Variants in IQCH observed in about 807,000 individuals in gnomAD.
The protein encoded by IQCH is IQ domain-containing protein H.
Under a neutral mutation model 117.0 loss-of-function variants are expected in IQCH, and 98 were observed. That is an observed-to-expected ratio of 0.84 (90% CI 0.71 to 0.99). The LOEUF is 0.99. IQCH is among the 50% of genes least tolerant of loss of function. IQCH has a pLI of 0.00. For synonymous variants in IQCH, 412 were observed against 448.2 expected (o/e 0.92, Z 1.02); for missense variants, 1,102 against 1,243.8 (o/e 0.89, Z 1.72).
rs1290004336 is a variant in IQCH at position 67,474,577 on chromosome 15, G to A, written c.2677-1119G>A. Among the ~76,000 whole-genome samples the A allele has an allele frequency of 6.6e-6, 1 of 152,062 alleles. No individual in the cohort carries two copies. The highest frequency in any genetic ancestry group is 2.4e-5 in the African/African-American group (1 of 41,400). On this transcript the variant is annotated intron_variant, in intron 17 of 20. Coordinates refer to ENST00000335894, the MANE Select transcript of IQCH (RefSeq NM_001031715.3). This position sits in a 1 kb window ranked among gnomAD's most constrained non-coding sequence, Gnocchi z 4.1. The stretch of plus-strand genomic sequence containing the variant: ...GGAAATACATAATGACAGCACTTTG[G>A]GCCTACTATCACCAATCTCTTTGGC...
intron 10 of IQCH, among the ~76,000 whole-genome samples, chr15:67,380,789 T>C (rs1458003893): frequency 6.6e-6 from 1 of 152,186 alleles, no homozygotes; most frequent in African/African-American, 2.4e-5. Flanking sequence ...ATGTGATGCA[T>C]TGAACATCAC....
Position 67,344,817 on chromosome 15 carries a change from T to A in IQCH, c.637+626T>A, listed in dbSNP as rs80126569. On this transcript the variant is annotated intron_variant, in intron 6 of 20. Coordinates refer to ENST00000335894, the MANE Select transcript of IQCH (RefSeq NM_001031715.3). Reference sequence around the variant, plus strand: ...CTATCTTTACATTAAGTGTGAATGTTCTAAATACACCAATTAAAAGACAGA... The same window carrying A: ...CTATCTTTACATTAAGTGTGAATGTACTAAATACACCAATTAAAAGACAGA... 4.7e-3 allele frequency among the ~76,000 whole-genome samples: 720 copies of A among 152,320 alleles called. 19 individuals are homozygous for A. Among genetic ancestry groups the A allele is most frequent in the East Asian group, 0.038 (195 of 5,184 alleles).
chr15:67,409,052 T>C (rs2081376671), intron 14 of IQCH, among the ~76,000 whole-genome samples: 1 of 152,194 alleles, frequency 6.6e-6, no homozygotes, highest in South Asian at 2.1e-4. Context: ...GAACATATTC[T>C]TCTTTTTTTA....
chr15:67,272,097 A>C (rs924093130), intron 3 of IQCH, among the ~76,000 whole-genome samples: 3 of 151,982 alleles, frequency 2.0e-5, no homozygotes, highest in Non-Finnish European at 4.4e-5. Flanking sequence ...CTGCCCCATA[A>C]TTTTGGTATG....
intron 1 of IQCH, among the ~76,000 whole-genome samples, chr15:67,256,114 G>A (rs963056475): frequency 6.6e-6 from 1 of 152,120 alleles, no homozygotes; most frequent in African/African-American, 2.4e-5. Context: ...AGAGCTCAGG[G>A]AAGTGCTGTG....
At chr15:67,485,249 G>C (rs914912139) in intron 18 of IQCH, among the ~76,000 whole-genome samples, 2 of 152,018 alleles carry the variant, frequency 1.3e-5, no homozygotes, top group Admixed American at 1.3e-4. Flanking sequence ...AACCCAAATG[G>C]AAATTCTGGA....
chr15:67,267,752 A>G (rs563798061), intron 3 of IQCH, among the ~76,000 whole-genome samples: 1 of 152,320 alleles, frequency 6.6e-6, no homozygotes, highest in Non-Finnish European at 1.5e-5. Flanking sequence ...GTAACTGAGA[A>G]TCAACATTGT....
chr15:67,366,215 T>A lies in IQCH; in HGVS notation c.754-5896T>A, dbSNP rs1240642232. ...CATCCTGTCAGGCTTCCTGTCCACA[T>A]CCCCAGCAGGTTCAACCCATCCATC... is the stretch of plus-strand genomic sequence containing the variant. On this transcript the variant is annotated intron_variant, in intron 8 of 20. Transcript: ENST00000335894. The surrounding 1 kb of genome is among the most constrained non-coding windows in gnomAD (Gnocchi z 4.4). 6.6e-6 allele frequency among the ~76,000 whole-genome samples: 1 copy of A among 152,186 alleles called. No homozygotes were observed. Among genetic ancestry groups the A allele is most frequent in the East Asian group, 1.9e-4 (1 of 5,190 alleles).
chr15:67,465,264 GA>G lies in IQCH; in HGVS notation c.2647del (p.Thr883ProfsTer4). 1 of 1,613,950 alleles carries G rather than the reference GA, an allele frequency of 6.2e-7. No individual in the cohort carries two copies. The highest frequency in any genetic ancestry group is 8.5e-7 in the Non-Finnish European group (1 of 1,179,992). ...CCCGCTTTGTTCCAAAGGAAAGGAA[GA>G]AAACCAAATGCATGAGTGCGCTGTC... ...VPRFVPKERKKTKCMSALSMP... is the reference protein window; with the variant it reads ...VPRFVPKERKXTKCMSALSMP... On this transcript the variant is annotated frameshift_variant, in exon 17 of 21. Coordinates refer to ENST00000335894, the MANE Select transcript of IQCH (RefSeq NM_001031715.3). LOFTEE classifies it high-confidence loss of function. The surrounding 1 kb of genome is among the most constrained non-coding windows in gnomAD (Gnocchi z 5.9).
chr15:67,258,531 CAA>C (rs63140861), intron 1 of IQCH, among the ~76,000 whole-genome samples: 5 of 137,402 alleles, frequency 3.6e-5, no homozygotes, highest in Non-Finnish European at 3.1e-5. Flanking sequence ...GACTTCATCT[CAA>C]AAAAAAAAAA....
chr15:67,389,714 CT>C (rs1207402138), intron 12 of IQCH, among the ~76,000 whole-genome samples: 3 of 152,004 alleles, frequency 2.0e-5, no homozygotes, highest in Admixed American at 2.0e-4. Flanking sequence ...TTTGAGGAGA[CT>C]TTTTTTGGTA....
rs143689665 is a variant in IQCH at position 67,465,242 on chromosome 15, G to T, written c.2621G>T (p.Arg874Leu). The T allele has an allele frequency of 1.2e-6, 2 of 1,613,810 alleles. No homozygotes were observed. Among genetic ancestry groups the T allele is most frequent in the Admixed American group, 1.7e-5 (1 of 59,962 alleles). ...DCSLSTLEVP[R>L]FVPKERKKTK... is the part of the protein sequence containing the mutation. ...AGTTTGAGCACCCTGGAAGTGCCCC[G>T]CTTTGTTCCAAAGGAAAGGAAGAAA... The change falls in exon 17 of 21, where the codon CGC (arginine) becomes CTC (leucine). Residue 874 changes from arginine to leucine, a missense_variant. By Grantham distance (102) the Arg-to-Leu change is moderately radical (BLOSUM62 -2). Transcript: ENST00000335894. This position sits in a 1 kb window ranked among gnomAD's most constrained non-coding sequence, Gnocchi z 5.9.
Position 67,476,949 on chromosome 15 carries a change from T to C in IQCH, c.2799+1131T>C, listed in dbSNP as rs1350867268. Among the ~76,000 whole-genome samples the C allele has an allele frequency of 6.6e-6, 1 of 152,076 alleles. No individual in the cohort carries two copies. The highest frequency in any genetic ancestry group is 1.5e-5 in the Non-Finnish European group (1 of 68,012). ...TTGATCAGATGTTTTGATTTGTAGA[T>C]ATTCAGTTCTACATTTATTAACTTA... On this transcript the variant is annotated intron_variant, in intron 18 of 20. Transcript: ENST00000335894. This position sits in a 1 kb window ranked among gnomAD's most constrained non-coding sequence, Gnocchi z 4.1.
intron 4 of IQCH, among the ~76,000 whole-genome samples, chr15:67,305,303 A>C (rs1034621956): frequency 6.6e-6 from 1 of 152,088 alleles, no homozygotes; most frequent in Admixed American, 6.6e-5. Context: ...TTAATCTTCC[A>C]AATTTCCTAC....
intron 18 of IQCH, among the ~76,000 whole-genome samples, chr15:67,478,701 A>G (rs970167664): frequency 1.3e-5 from 2 of 152,122 alleles, no homozygotes; most frequent in East Asian, 1.9e-4. Context: ...CAGGGCGGGC[A>G]GATCACGAGG....
chr15:67,444,274 G>A (rs2082344777), intron 16 of IQCH, among the ~76,000 whole-genome samples: 1 of 152,162 alleles, frequency 6.6e-6, no homozygotes, highest in South Asian at 2.1e-4. Context: ...AATAAAATCA[G>A]TGTTGTGGTA....
intron 4 of IQCH, among the ~76,000 whole-genome samples, chr15:67,284,066 T>G (rs1020699777): frequency 2.6e-5 from 4 of 152,184 alleles, no homozygotes; most frequent in African/African-American, 9.6e-5. Context: ...TTATACTCTT[T>G]AGTTATTTTT....
rs13379682 is a variant in IQCH at position 67,436,297 on chromosome 15, C to G, written c.2505+14720C>G. The stretch of plus-strand genomic sequence containing the variant: ...CCCTCCTCTCTCAAACACACACCCC[C>G]GCACTGGAGAAGCTGAAGGTCTGTT... On this transcript the variant is annotated intron_variant, in intron 16 of 20. Coordinates refer to ENST00000335894, the MANE Select transcript of IQCH (RefSeq NM_001031715.3). The surrounding 1 kb of genome is among the most constrained non-coding windows in gnomAD (Gnocchi z 5.1). Among the ~76,000 whole-genome samples, 1 of 152,174 alleles carries G rather than the reference C, an allele frequency of 6.6e-6. No homozygotes were observed. The highest frequency in any genetic ancestry group is 2.4e-5 in the African/African-American group (1 of 41,444).
intron 8 of IQCH, chr15:67,360,115 G>A (rs1420130718): frequency 1.5e-5 from 7 of 460,690 alleles, no homozygotes. Flanking sequence ...TTACTTCTCA[G>A]GCTTCAGTCC....
Sources: gnomAD v4.1 joint callset for allele counts (sites outside exome capture counted in the v4.1 genomes callset) on GRCh38, gnomAD v4.1.1 for gene constraint, Gnocchi (gnomAD v3.1) non-coding constraint, MANE v1.5 for transcripts, NCBI Gene and HGNC (gene_info 2026-07-23, HGNC 2026-07-21) for gene names.